Variants in GRIP1 observed in about 807,000 individuals in gnomAD.
The protein encoded by GRIP1 is glutamate receptor-interacting protein 1.
GRIP1 carries 45 observed loss-of-function variants against 129.9 expected under a neutral mutation model. That is an observed-to-expected ratio of 0.35 (90% CI 0.27 to 0.44). The LOEUF (loss-of-function observed/expected upper bound fraction) is 0.44, where lower values mean the gene tolerates loss of function less well. Ranked by LOEUF, GRIP1 falls within the 20% of genes least tolerant of loss-of-function variation. The probability of loss-of-function intolerance (pLI) is 1.00; values close to 1 mark genes in which losing one functional copy is unlikely to be tolerated. For synonymous variants in GRIP1, 530 were observed against 520.8 expected, an observed-to-expected ratio of 1.02 and a Z score of -0.24; for missense variants, 1,196 against 1,396.8, an observed-to-expected ratio of 0.86 and a Z score of 2.29.
intron 1 of GRIP1, among the ~76,000 whole-genome samples, chr12:66,702,686 A>C (rs1036524672): frequency 2.6e-5 from 4 of 152,178 alleles, no homozygotes; most frequent in African/African-American, 7.2e-5. Context: ...ATGCACATTA[A>C]TAGCTTACTC....
chr12:66,556,649 A>C (rs75109510), intron 2 of GRIP1, among the ~76,000 whole-genome samples: 133 of 152,198 alleles, frequency 8.7e-4, no homozygotes, highest in East Asian at 2.1e-3. Context: ...ATTAAAAAAA[A>C]AACAACAACA....
chr12:66,425,321 C>G (rs893607118), intron 14 of GRIP1, among the ~76,000 whole-genome samples: 1 of 152,100 alleles, frequency 6.6e-6, no homozygotes. Context: ...AGTCAGGAAA[C>G]AACAGGTGCT....
chr12:66,728,184 A>C (rs941483794), intron 1 of GRIP1, among the ~76,000 whole-genome samples: 16 of 152,242 alleles, frequency 1.1e-4, no homozygotes, highest in Non-Finnish European at 4.4e-5. Flanking sequence ...ATATTCTACA[A>C]TCTATACAAA....
chr12:66,987,758 C>T (rs1411846212), intron 1 of GRIP1, among the ~76,000 whole-genome samples: 2 of 152,178 alleles, frequency 1.3e-5, no homozygotes, highest in Non-Finnish European at 2.9e-5. Flanking sequence ...CACTCATTTC[C>T]GATTCTCCCT....
chr12:66,684,658 A>G (rs757241718), intron 1 of GRIP1, among the ~76,000 whole-genome samples: 9 of 152,140 alleles, frequency 5.9e-5, no homozygotes, highest in African/African-American at 9.7e-5. Flanking sequence ...CAGTCTGGCC[A>G]ACATGGTGAA....
intron 16 of GRIP1, among the ~76,000 whole-genome samples, chr12:66,397,613 T>C (rs555865059): frequency 6.6e-6 from 1 of 152,224 alleles, no homozygotes; most frequent in East Asian, 1.9e-4. Flanking sequence ...AATGTGAACA[T>C]TGAGTGAATA....
At chr12:66,832,620 G>A (rs1592887823) in intron 1 of GRIP1, among the ~76,000 whole-genome samples, 1 of 152,266 alleles carries the variant, frequency 6.6e-6, no homozygotes, top group East Asian at 1.9e-4. Flanking sequence ...GTTGGGAGGA[G>A]GGGTACTAAG....
chr12:67,062,197 C>T (rs2043547968), intron 1 of GRIP1, among the ~76,000 whole-genome samples: 2 of 152,218 alleles, frequency 1.3e-5, no homozygotes, highest in Non-Finnish European at 1.5e-5. Context: ...CTGCCAGATG[C>T]AATCAAACTC....
chr12:66,798,235 G>C (rs2038757158), intron 1 of GRIP1, among the ~76,000 whole-genome samples: 1 of 152,066 alleles, frequency 6.6e-6, no homozygotes, highest in Admixed American at 6.6e-5. Context: ...CCAATACAGA[G>C]CTCTTCTGTG....
At chr12:66,527,496 G>A (rs914423369) in intron 5 of GRIP1, among the ~76,000 whole-genome samples, 15 of 152,026 alleles carry the variant, frequency 9.9e-5, no homozygotes, top group African/African-American at 1.5e-4. Flanking sequence ...GACACAGGAA[G>A]GGGAACATCA....
intron 22 of GRIP1, among the ~76,000 whole-genome samples, chr12:66,374,306 G>C (rs1174550703): frequency 6.6e-6 from 1 of 152,000 alleles, no homozygotes; most frequent in African/African-American, 2.4e-5. Context: ...TCTTGCCTCA[G>C]CCTCCCAAGT....
intron 1 of GRIP1, among the ~76,000 whole-genome samples, chr12:67,045,728 G>A (rs2043243313): frequency 6.6e-6 from 1 of 152,132 alleles, no homozygotes; most frequent in African/African-American, 2.4e-5. Context: ...GTGGCAGTGG[G>A]GCAGTCCAGA....
chr12:66,771,817 C>T (rs2037827416), intron 1 of GRIP1, among the ~76,000 whole-genome samples: 1 of 152,168 alleles, frequency 6.6e-6, no homozygotes, highest in Non-Finnish European at 1.5e-5. Flanking sequence ...AGGGTTTGGG[C>T]CACATACAGC....
At chr12:67,007,246 G>C (rs2042639944) in intron 1 of GRIP1, among the ~76,000 whole-genome samples, 1 of 151,976 alleles carries the variant, frequency 6.6e-6, no homozygotes, top group South Asian at 2.1e-4. Flanking sequence ...AAATACACAA[G>C]AAGTAAAAAA....
At chr12:66,721,093 T>TA (rs2036043564) in intron 1 of GRIP1, among the ~76,000 whole-genome samples, 1 of 152,190 alleles carries the variant, frequency 6.6e-6, no homozygotes, top group Admixed American at 6.5e-5. Flanking sequence ...GATGTTGTGT[T>TA]AGCAGGCATG....
At chr12:66,612,045 T>G (rs141849113) in intron 1 of GRIP1, among the ~76,000 whole-genome samples, 11 of 152,270 alleles carry the variant, frequency 7.2e-5, no homozygotes, top group Non-Finnish European at 1.0e-4. Context: ...TTTTTTCATC[T>G]CTCAAATAGG....
chr12:66,802,190 G>T (rs113352581), intron 1 of GRIP1, among the ~76,000 whole-genome samples: 1 of 152,046 alleles, frequency 6.6e-6, no homozygotes, highest in Non-Finnish European at 1.5e-5. Context: ...AATCCCAAGT[G>T]CCTGAGTCCA....
chr12:66,580,001 C>T (rs1420970609), intron 2 of GRIP1, among the ~76,000 whole-genome samples: 16 of 148,474 alleles, frequency 1.1e-4, no homozygotes, highest in Middle Eastern at 3.5e-3. Flanking sequence ...TAAGGGCAGC[C>T]AGAGAGAAAG....
chr12:66,660,024 C>G (rs1175918852), intron 1 of GRIP1, among the ~76,000 whole-genome samples: 4 of 152,146 alleles, frequency 2.6e-5, no homozygotes, highest in African/African-American at 9.6e-5. Context: ...AATCAATGTT[C>G]ATGCTTCTTT....
Sources: allele counts gnomAD v4.1 joint callset (sites outside exome capture counted in the v4.1 genomes callset), GRCh38; gene constraint gnomAD v4.1.1; transcripts MANE v1.5; gene names NCBI Gene and HGNC (gene_info 2026-07-23, HGNC 2026-07-21).